The following CLSTN2 variants were observed in gnomAD, a reference collection of about 807,000 sequenced individuals.
CLSTN2 encodes the protein calsyntenin 2, also known as calsyntenin-2.
A neutral mutation model predicts 101.2 loss-of-function variants in CLSTN2; 48 were observed. The observed-to-expected ratio is 0.47, with a 90% CI of 0.38 to 0.60. CLSTN2 has a LOEUF of 0.60. Ranked by LOEUF, CLSTN2 falls within the 20% of genes least tolerant of loss-of-function variation. CLSTN2 has a pLI of 0.00. For missense variants in CLSTN2, 1,160 were observed against 1,238.2 expected, an observed-to-expected ratio of 0.94 and a Z score of 0.95; for synonymous variants, 481 against 463.6, an observed-to-expected ratio of 1.04 and a Z score of -0.48.
chr3:140,407,196 G>A (rs2088313359), intron 4 of CLSTN2, among the ~76,000 whole-genome samples: 1 of 152,108 alleles, frequency 6.6e-6, no homozygotes, highest in African/African-American at 2.4e-5. Context: ...TTCTCTGAGC[G>A]ACCTTTCTGA....
intron 1 of CLSTN2, among the ~76,000 whole-genome samples, chr3:139,951,602 G>C (rs1309540628): frequency 6.6e-6 from 1 of 152,182 alleles, no homozygotes; most frequent in Admixed American, 6.5e-5. Context: ...ACCACACTGG[G>C]CCCAGAGACA....
intron 1 of CLSTN2, among the ~76,000 whole-genome samples, chr3:139,982,498 T>C (rs372085313): frequency 4.6e-5 from 7 of 152,296 alleles, no homozygotes; most frequent in Admixed American, 2.6e-4. Flanking sequence ...TAGAAAGTTT[T>C]CAAACAAGGC....
At chr3:140,524,015 A>T (rs1334550348) in intron 8 of CLSTN2, among the ~76,000 whole-genome samples, 1 of 152,244 alleles carries the variant, frequency 6.6e-6, no homozygotes, top group Non-Finnish European at 1.5e-5. Flanking sequence ...TTGTAAGCAC[A>T]GATCAGGAAT....
intron 2 of CLSTN2, among the ~76,000 whole-genome samples, chr3:140,321,018 G>C (rs2107923519): frequency 6.6e-6 from 1 of 152,282 alleles, no homozygotes; most frequent in South Asian, 2.1e-4. Flanking sequence ...GGATGTGCTG[G>C]GAGTATCAAG....
intron 1 of CLSTN2, among the ~76,000 whole-genome samples, chr3:139,963,793 A>C (rs975277332): frequency 6.6e-6 from 1 of 152,218 alleles, no homozygotes; most frequent in Non-Finnish European, 1.5e-5. Context: ...TAGTTTGTGC[A>C]GTTGTCAGTA....
intron 2 of CLSTN2, among the ~76,000 whole-genome samples, chr3:140,383,480 C>G (rs972618972): frequency 3.9e-5 from 6 of 152,142 alleles, no homozygotes; most frequent in African/African-American, 1.2e-4. Context: ...TAAATTTGTG[C>G]AAAAACATAC....
At chr3:140,535,971 T>C (rs1379721605) in intron 9 of CLSTN2, among the ~76,000 whole-genome samples, 1 of 152,206 alleles carries the variant, frequency 6.6e-6, no homozygotes, top group South Asian at 2.1e-4. Context: ...AACCCTGTAA[T>C]AAATTTTTAA....
Position 140,520,785 on chromosome 3 carries a change from T to C in CLSTN2, c.1345-11539T>C, listed in dbSNP as rs565708397. Among the ~76,000 whole-genome samples, 15 of 152,334 alleles carry C rather than the reference T, an allele frequency of 9.8e-5. No homozygotes were observed. The East Asian group carries it at 2.5e-3, about 25-fold the overall frequency. The stretch of plus-strand genomic sequence containing the variant: ...AGTTGGTTCCATTCTCCCCGTCCCT[T>C]TCAGGTACCCCAATCAATCATAGGT... On this transcript the variant is annotated intron_variant, in intron 8 of 16. Coordinates refer to ENST00000458420, the MANE Select transcript of CLSTN2 (RefSeq NM_022131.3).
intron 2 of CLSTN2, among the ~76,000 whole-genome samples, chr3:140,372,780 C>T (rs1364718330): frequency 1.3e-5 from 2 of 152,224 alleles, no homozygotes; most frequent in African/African-American, 4.8e-5. Context: ...CTTGGAAATT[C>T]ACAGTGCAAA....
intron 2 of CLSTN2, among the ~76,000 whole-genome samples, chr3:140,363,600 G>T (rs1263991256): frequency 8.0e-6 from 1 of 125,110 alleles, no homozygotes; most frequent in Non-Finnish European, 2.0e-5. Context: ...GCAGTCAGAG[G>T]GACCCGGTAG....
chr3:140,441,853 C>A (rs1448398891), intron 5 of CLSTN2, among the ~76,000 whole-genome samples: 1 of 152,236 alleles, frequency 6.6e-6, no homozygotes, highest in African/African-American at 2.4e-5. Context: ...GTGCCTCACA[C>A]TACACCAGGG....
intron 1 of CLSTN2, among the ~76,000 whole-genome samples, chr3:140,166,814 G>T (rs764034431): frequency 6.6e-6 from 1 of 152,144 alleles, no homozygotes; most frequent in African/African-American, 2.4e-5. Flanking sequence ...TAAGAAAGAG[G>T]CAAGAATTAG....
rs140778211 is a variant in CLSTN2 at position 140,564,045 on chromosome 3, G to T, written c.2567G>T (p.Arg856Leu). 1 of 1,614,076 alleles carries T rather than the reference G, an allele frequency of 6.2e-7. No individual in the cohort carries two copies. The highest frequency in any genetic ancestry group is 8.5e-7 in the Non-Finnish European group (1 of 1,179,982). Reference protein sequence around the residue: ...FVVAMGVYRVRIAHQHFIQET... With the variant: ...FVVAMGVYRVLIAHQHFIQET... ...GTGGCCATGGGTGTGTACCGGGTCC[G>T]GATCGCCCACCAGCACTTCATCCAG... The change falls in exon 16 of 17, where the codon CGG (arginine) becomes CTG (leucine). Residue 856 changes from arginine to leucine, a missense_variant. Transcript: ENST00000458420.
chr3:140,470,743 A>G (rs1283958203), intron 8 of CLSTN2, among the ~76,000 whole-genome samples: 1 of 152,232 alleles, frequency 6.6e-6, no homozygotes, highest in African/African-American at 2.4e-5. Flanking sequence ...TATGACATTC[A>G]TCAGATTTAT....
At chr3:140,542,644 T>C (rs1935506756) in intron 9 of CLSTN2, among the ~76,000 whole-genome samples, 2 of 152,198 alleles carry the variant, frequency 1.3e-5, no homozygotes, top group South Asian at 2.1e-4. Context: ...AAAATGCTCA[T>C]TGAATCAATT....
chr3:140,166,284 T>C (rs2010133735), intron 1 of CLSTN2, among the ~76,000 whole-genome samples: 1 of 152,206 alleles, frequency 6.6e-6, no homozygotes, highest in South Asian at 2.1e-4. Flanking sequence ...GTCCAGTATC[T>C]ATCTTGGCCT....
chr3:140,150,516 T>G (rs1214399830), intron 1 of CLSTN2, among the ~76,000 whole-genome samples: 1 of 152,218 alleles, frequency 6.6e-6, no homozygotes, highest in Non-Finnish European at 1.5e-5. Context: ...TTGTCAACCC[T>G]CTCAGGCATT....
Position 140,010,201 on chromosome 3 carries a change from T to A in CLSTN2, c.109+74718T>A, listed in dbSNP as rs1293035311. 2.0e-5 allele frequency among the ~76,000 whole-genome samples: 3 copies of A among 152,360 alleles called. No homozygotes were observed. The East Asian group carries it at 5.8e-4, about 29-fold the overall frequency. ...GTAACTGTTTGCGGTAGGAAACTTATGCTTGTCTTTTATTTTCATTTCTAT... is the reference window on the plus strand; with the variant it reads ...GTAACTGTTTGCGGTAGGAAACTTAAGCTTGTCTTTTATTTTCATTTCTAT... On this transcript the variant is annotated intron_variant, in intron 1 of 16. Coordinates refer to ENST00000458420, the MANE Select transcript of CLSTN2 (RefSeq NM_022131.3).
At chr3:140,483,140 G>T (rs536529963) in intron 8 of CLSTN2, among the ~76,000 whole-genome samples, 12 of 152,178 alleles carry the variant, frequency 7.9e-5, no homozygotes, top group South Asian at 2.1e-4. Flanking sequence ...CTGGTATGTT[G>T]TGTCTTTGTT....
Sources: allele counts gnomAD v4.1 joint callset (sites outside exome capture counted in the v4.1 genomes callset), GRCh38; gene constraint gnomAD v4.1.1; transcripts MANE v1.5; gene names NCBI Gene and HGNC (gene_info 2026-07-23, HGNC 2026-07-21).